SPATC1: variants seen among roughly 807,000 people sequenced by gnomAD.
SPATC1 encodes spermatogenesis and centriole associated 1, also known as speriolin.
SPATC1 carries 35 observed loss-of-function variants against 36.5 expected under a neutral mutation model. The observed-to-expected ratio is 0.96, with a 90% CI of 0.73 to 1.27. The LOEUF (loss-of-function observed/expected upper bound fraction) is 1.27, where lower values mean the gene tolerates loss of function less well. Ranked by LOEUF, SPATC1 falls within the 50% of genes most tolerant of loss-of-function variation. SPATC1 has a pLI of 0.00. For missense variants in SPATC1, 779 were observed against 796.0 expected (o/e 0.98, Z 0.26); for synonymous variants, 361 against 353.6 (o/e 1.02, Z -0.24).
intron 1 of SPATC1, among the ~76,000 whole-genome samples, chr8:144,031,711 TTTTC>T (rs1446087766): frequency 2.8e-4 from 42 of 150,672 alleles, no homozygotes; most frequent in African/African-American, 7.8e-4. Flanking sequence ...TTTTCTTTTT[TTTTC>T]TTTCTTTCTT....
Position 144,040,391 on chromosome 8 carries a change from G to A in SPATC1, c.694G>A (p.Ala232Thr). ...GCCAGAGGCCCCAAGGCTGCGGCTGGCTGAGCCACTCCGCGGAGGCCCCAC... is the reference window on the plus strand; with the variant it reads ...GCCAGAGGCCCCAAGGCTGCGGCTGACTGAGCCACTCCGCGGAGGCCCCAC... ...VLPEAPRLRL[A>T]EPLRGGPTGP... The change falls in exon 2 of 5, where the codon GCT (alanine) becomes ACT (threonine). Residue 232 changes from alanine (A) to threonine (T), a missense_variant. Coordinates refer to ENST00000377470, the MANE Select transcript of SPATC1 (RefSeq NM_198572.3). 1.2e-6 allele frequency: 2 copies of A among 1,612,314 alleles called. No individual in the cohort carries two copies. Among genetic ancestry groups the A allele is most frequent in the Non-Finnish European group, 1.7e-6 (2 of 1,179,784 alleles).
rs912682828 is a variant in SPATC1 at position 144,012,328 on chromosome 8, A to C, written c.-188A>C. The C allele has an allele frequency of 1.8e-5, 11 of 602,856 alleles. No homozygotes were observed. The highest frequency in any genetic ancestry group is 3.0e-5 in the Non-Finnish European group (10 of 338,882). 37.3% of individuals were successfully genotyped at this position (602,856 alleles called of 1,614,324 possible). Reference sequence around the variant, plus strand: ...TGTGTACAGGCCTGGTGGCATGGAGAGCTGAGGGTGTTAGAGCAGAGAGGG... The same window carrying C: ...TGTGTACAGGCCTGGTGGCATGGAGCGCTGAGGGTGTTAGAGCAGAGAGGG... On this transcript the variant is annotated 5_prime_UTR_variant, in exon 1 of 5. Transcript: ENST00000377470.
intron 1 of SPATC1, among the ~76,000 whole-genome samples, chr8:144,030,263 T>C (rs1198570469): frequency 6.6e-6 from 1 of 152,246 alleles, no homozygotes; most frequent in Non-Finnish European, 1.5e-5. Context: ...TTATCCATTC[T>C]GCCAATCTCT....
upstream of SPATC1, among the ~76,000 whole-genome samples, chr8:144,011,362 G>A (rs533319542): frequency 6.6e-6 from 1 of 152,144 alleles, no homozygotes; most frequent in Admixed American, 6.5e-5. This position sits in a 1 kb window ranked among gnomAD's most constrained non-coding sequence, Gnocchi z 4.5. Context: ...TAGAGGAGGG[G>A]TGGGGGTAGG....
At position 144,016,562 on chromosome 8, in the gene SPATC1, C is replaced by T. The variant is rs1429646645; in HGVS notation, c.211+3836C>T. On this transcript the variant is annotated intron_variant, in intron 1 of 4. Transcript: ENST00000377470. The surrounding 1 kb of genome is among the most constrained non-coding windows in gnomAD (Gnocchi z 4.5). ...GGACTGCGGATGACATGCTGAGGGGCTTGGACTTGCTCCTGAAGGCGCTAA... is the reference window on the plus strand; with the variant it reads ...GGACTGCGGATGACATGCTGAGGGGTTTGGACTTGCTCCTGAAGGCGCTAA... Among the ~76,000 whole-genome samples the T allele has an allele frequency of 6.6e-6, 1 of 152,040 alleles. No homozygotes were observed. Among genetic ancestry groups the T allele is most frequent in the East Asian group, 1.9e-4 (1 of 5,198 alleles).
intron 1 of SPATC1, among the ~76,000 whole-genome samples, chr8:144,013,427 T>A (rs782545401): frequency 6.6e-6 from 1 of 152,068 alleles, no homozygotes; most frequent in Non-Finnish European, 1.5e-5. Context: ...AAACTAGACA[T>A]GTTTCTGACT....
rs1391006034 is a variant in SPATC1, at chr8:144,040,134, C to T, written c.437C>T (p.Ala146Val). 15 of 1,608,978 alleles carry T rather than the reference C, an allele frequency of 9.3e-6. No individual in the cohort carries two copies. The highest frequency in any genetic ancestry group is 1.7e-5 in the Admixed American group (1 of 59,578). Residue 146 changes from alanine (A) to valine (V), a missense_variant, in exon 2 of 5, where the codon GCG becomes GTG. Coordinates refer to ENST00000377470, the MANE Select transcript of SPATC1 (RefSeq NM_198572.3). The stretch of plus-strand genomic sequence containing the variant: ...ACCAGCTTCCTGACCAGTCCCATTG[C>T]GGGACCCCTAACAGGCACACTGGCC... Reference protein sequence around the residue: ...PLTSFLTSPIAGPLTGTLASS... With the variant: ...PLTSFLTSPIVGPLTGTLASS...
rs1554755883 is a variant in SPATC1, at chr8:144,040,958, C to T, written c.1157C>T (p.Ala386Val). 6.2e-7 allele frequency: 1 copy of T among 1,611,080 alleles called. No individual in the cohort carries two copies. Among genetic ancestry groups the T allele is most frequent in the African/African-American group, 1.3e-5 (1 of 74,898 alleles). The change falls in exon 3 of 5, where the codon GCC (alanine) becomes GTC (valine). Residue 386 changes from alanine (A) to valine (V), a missense_variant. Ala to Val is a moderately conservative substitution (Grantham distance 64, BLOSUM62 0). Coordinates refer to ENST00000377470, the MANE Select transcript of SPATC1 (RefSeq NM_198572.3). ...LPVPHCPPHN[A>V]HSPPRTSSSP... is the part of the protein sequence containing the mutation. The stretch of plus-strand genomic sequence containing the variant: ...GTCCCCCACTGTCCTCCACACAACG[C>T]CCACTCCCCACCTCGTACCTCATCC...
Position 144,046,950 on chromosome 8 carries a change from C to T in SPATC1, c.1770C>T (p.Ile590=), listed in dbSNP as rs1835286876. Residue 590 remains isoleucine, a synonymous_variant, in exon 5 of 5, where the codon ATC becomes ATT. Coordinates refer to ENST00000377470, the MANE Select transcript of SPATC1 (RefSeq NM_198572.3). This position sits in a 1 kb window ranked among gnomAD's most constrained non-coding sequence, Gnocchi z 6.6. ...LAHDDGKPMF[I]W Reference sequence around the variant, plus strand: ...ACGATGACGGCAAGCCCATGTTCATCTGGTGACGCTGGAGCTGGGAGGTCC... The same window carrying T: ...ACGATGACGGCAAGCCCATGTTCATTTGGTGACGCTGGAGCTGGGAGGTCC... 1 of 1,595,314 alleles carries T rather than the reference C, an allele frequency of 6.3e-7. No individual in the cohort carries two copies. Among genetic ancestry groups the T allele is most frequent in the African/African-American group, 1.3e-5 (1 of 74,896 alleles).
chr8:144,029,522 G>A (rs1243337553), intron 1 of SPATC1, among the ~76,000 whole-genome samples: 12 of 152,112 alleles, frequency 7.9e-5, no homozygotes, highest in Admixed American at 5.2e-4. Context: ...AGGCGAGAGC[G>A]CACCACTGCA....
intron 1 of SPATC1, among the ~76,000 whole-genome samples, chr8:144,029,070 G>C (rs1834742430): frequency 6.6e-6 from 1 of 151,832 alleles, no homozygotes; most frequent in Non-Finnish European, 1.5e-5. Context: ...GGGGGAGGGA[G>C]AGCATCAGGA....
intron 4 of SPATC1, among the ~76,000 whole-genome samples, chr8:144,042,377 T>G (rs1203575393): frequency 1.5e-5 from 2 of 136,060 alleles, no homozygotes; most frequent in African/African-American, 5.5e-5. Context: ...TGGAGTGCAA[T>G]GGTGCGATCT....
chr8:144,017,377 C>G lies in SPATC1; in HGVS notation c.211+4651C>G, dbSNP rs782714322. Among the ~76,000 whole-genome samples the G allele has an allele frequency of 5.9e-5, 9 of 152,208 alleles. No individual in the cohort carries two copies. The South Asian group carries it at 6.2e-4, about 11-fold the overall frequency. On this transcript the variant is annotated intron_variant, in intron 1 of 4. Coordinates refer to ENST00000377470, the MANE Select transcript of SPATC1 (RefSeq NM_198572.3). ...CTTCGATTCCTCTTTCTGGGCCTAC[C>G]CTTCTCCCTTATGCTCTGTGCACAG...
intron 1 of SPATC1, among the ~76,000 whole-genome samples, chr8:144,029,515 C>T (rs896641013): frequency 2.0e-5 from 3 of 152,102 alleles, no homozygotes; most frequent in African/African-American, 4.8e-5. Context: ...TGCAGTGAGG[C>T]GAGAGCGCAC....
At chr8:144,034,618 T>C (rs1017763571) in intron 1 of SPATC1, among the ~76,000 whole-genome samples, 15 of 151,862 alleles carry the variant, frequency 9.9e-5, no homozygotes, top group African/African-American at 3.6e-4. Flanking sequence ...CTCTCAGCTT[T>C]TATTTATTTA....
intron 1 of SPATC1, among the ~76,000 whole-genome samples, chr8:144,029,672 A>C (rs942543982): frequency 5.9e-5 from 9 of 152,232 alleles, no homozygotes; most frequent in African/African-American, 2.2e-4. Flanking sequence ...TCTTATGGTC[A>C]GAGAAGATAC....
intron 1 of SPATC1, among the ~76,000 whole-genome samples, chr8:144,018,316 G>A (rs1834432258): frequency 6.6e-6 from 1 of 152,176 alleles, no homozygotes; most frequent in Admixed American, 6.5e-5. Context: ...GGCCGACCAG[G>A]GTGAGGTGAA....
chr8:144,040,139 C>G lies in SPATC1; in HGVS notation c.442C>G (p.Pro148Ala), dbSNP rs1554755483. The G allele has an allele frequency of 3.1e-6, 5 of 1,609,426 alleles. No homozygotes were observed. The highest frequency in any genetic ancestry group is 4.2e-6 in the Non-Finnish European group (5 of 1,179,024). The change falls in exon 2 of 5, where the codon CCC becomes GCC. Residue 148 changes from proline (P) to alanine (A), a missense_variant. Pro to Ala is a conservative substitution (Grantham distance 27). Transcript: ENST00000377470. ...CTTCCTGACCAGTCCCATTGCGGGACCCCTAACAGGCACACTGGCCAGTTC... is the reference window on the plus strand; with the variant it reads ...CTTCCTGACCAGTCCCATTGCGGGAGCCCTAACAGGCACACTGGCCAGTTC... The part of the protein sequence containing the change: ...TSFLTSPIAG[P>A]LTGTLASSLG...
chr8:144,015,221 G>A (rs957558229), intron 1 of SPATC1, among the ~76,000 whole-genome samples: 2 of 143,640 alleles, frequency 1.4e-5, no homozygotes, highest in African/African-American at 2.7e-5. Context: ...TTTTTTTTTG[G>A]TGTATTTTTA....
Sources: allele counts gnomAD v4.1 joint callset (sites outside exome capture counted in the v4.1 genomes callset), GRCh38; gene constraint gnomAD v4.1.1; non-coding constraint Gnocchi (gnomAD v3.1); transcripts MANE v1.5; gene names NCBI Gene and HGNC (gene_info 2026-07-23, HGNC 2026-07-21).